Variants in PTPRD observed in about 807,000 individuals in gnomAD.
The protein encoded by PTPRD is receptor-type tyrosine-protein phosphatase delta.
A neutral mutation model predicts 214.5 loss-of-function variants in PTPRD; 34 were observed. The ratio of observed to expected loss-of-function variants is 0.16; its 90% CI spans 0.12 to 0.21. The LOEUF is 0.21. Among genes scored for constraint, PTPRD ranks in the 10% least tolerant of loss-of-function variants. The pLI, the probability that PTPRD is intolerant of heterozygous loss-of-function variation, is 1.00. For missense variants in PTPRD, 2,545 were observed against 2,398.7 expected, an observed-to-expected ratio of 1.06 and a Z score of -1.27; for synonymous variants, 1,128 against 845.7, an observed-to-expected ratio of 1.33 and a Z score of -5.79.
At chr9:8,793,601 G>T (rs887482252) in intron 11 of PTPRD, among the ~76,000 whole-genome samples, 98 of 152,260 alleles carry the variant, frequency 6.4e-4, no homozygotes, top group African/African-American at 2.2e-3. Context: ...CTCATTCTGA[G>T]TCCAGTGCTC....
intron 11 of PTPRD, among the ~76,000 whole-genome samples, chr9:8,863,808 T>C (rs992514932): frequency 5.9e-5 from 9 of 152,180 alleles, no homozygotes; most frequent in Non-Finnish European, 1.0e-4. Context: ...TATTTTAAAG[T>C]TTTAACTTTC....
intron 11 of PTPRD, among the ~76,000 whole-genome samples, chr9:8,930,750 T>A (rs1032835542): frequency 2.0e-4 from 30 of 152,286 alleles, no homozygotes; most frequent in African/African-American, 6.5e-4. Flanking sequence ...TTGGCTGCAT[T>A]AATGTCTTCT....
At chr9:8,817,992 G>C (rs781572031) in intron 11 of PTPRD, among the ~76,000 whole-genome samples, 1 of 152,118 alleles carries the variant, frequency 6.6e-6, no homozygotes. Context: ...TACAACCTGA[G>C]CTTCCAAATT....
intron 11 of PTPRD, among the ~76,000 whole-genome samples, chr9:8,797,805 T>C (rs759611156): frequency 6.6e-6 from 1 of 152,198 alleles, no homozygotes. Flanking sequence ...TGTCTTCTCA[T>C]ATTTGTATTT....
chr9:8,941,511 G>C (rs920057453), intron 11 of PTPRD, among the ~76,000 whole-genome samples: 1 of 152,176 alleles, frequency 6.6e-6, no homozygotes. Flanking sequence ...CCTTGGGTAA[G>C]TAACTTAACC....
intron 2 of PTPRD, among the ~76,000 whole-genome samples, chr9:10,418,958 T>G (rs1271717845): frequency 6.6e-6 from 1 of 151,774 alleles, no homozygotes; most frequent in Non-Finnish European, 1.5e-5. Flanking sequence ...CTCTCACTTG[T>G]TTTTCCTTGG....
intron 12 of PTPRD, among the ~76,000 whole-genome samples, chr9:8,717,378 C>T (rs192877806): frequency 8.3e-4 from 126 of 152,224 alleles, no homozygotes; most frequent in Admixed American, 1.8e-3. Context: ...ATCATGACAT[C>T]CTGCAAATTC....
intron 12 of PTPRD, among the ~76,000 whole-genome samples, chr9:8,730,884 CT>C (rs1456121676): frequency 6.6e-6 from 1 of 152,198 alleles, no homozygotes; most frequent in Non-Finnish European, 1.5e-5. Context: ...GATCACAGCT[CT>C]ACTGTCCAGA....
At chr9:8,324,789 C>A (rs1054245282) in intron 44 of PTPRD, among the ~76,000 whole-genome samples, 7 of 152,098 alleles carry the variant, frequency 4.6e-5, no homozygotes, top group African/African-American at 1.7e-4. Context: ...TAATGATCGA[C>A]ATTCTAATTG....
At chr9:9,693,183 C>A (rs1286483101) in intron 7 of PTPRD, among the ~76,000 whole-genome samples, 1 of 151,060 alleles carries the variant, frequency 6.6e-6, no homozygotes, top group Non-Finnish European at 1.5e-5. Context: ...AAGTGGGCAT[C>A]CTTGTCTTGT....
In PTPRD at chr9:9,730,322, T is replaced by C. The variant is rs546030879; in HGVS notation, c.-287+4211A>G. Among the ~76,000 whole-genome samples, 23 of 152,206 alleles carry C rather than the reference T, an allele frequency of 1.5e-4. 1 individual carries two copies. The East Asian group carries it at 4.4e-3, about 29-fold the overall frequency. On this transcript the variant is annotated intron_variant, in intron 7 of 45. Transcript: ENST00000381196. ...TTGCATAAAATTTGCATTAGAAAAC[T>C]GAGAACACTAATGAGGAAATGAAAC...
intron 2 of PTPRD, among the ~76,000 whole-genome samples, chr9:10,408,334 A>C (rs1265508718): frequency 6.6e-6 from 1 of 151,572 alleles, no homozygotes; most frequent in Non-Finnish European, 1.5e-5. Flanking sequence ...TGAAATTTGG[A>C]GTTAGCCTGC....
intron 10 of PTPRD, among the ~76,000 whole-genome samples, chr9:9,097,685 C>T (rs2099785575): frequency 6.6e-6 from 1 of 152,078 alleles, no homozygotes; most frequent in African/African-American, 2.4e-5. Context: ...GCTAGGATAC[C>T]ATGGCTCTTG....
chr9:9,625,965 G>C (rs111491105), intron 7 of PTPRD, among the ~76,000 whole-genome samples: 4,446 of 152,238 alleles, frequency 0.029, 100 homozygotes, highest in Non-Finnish European at 0.047. Context: ...ATAAACTTTT[G>C]CTGCAACTAC....
intron 4 of PTPRD, among the ~76,000 whole-genome samples, chr9:9,965,136 C>A (rs752019967): frequency 6.6e-6 from 1 of 152,010 alleles, no homozygotes; most frequent in African/African-American, 2.4e-5. Flanking sequence ...TTTTTCATAA[C>A]GTGGATAGAT....
intron 10 of PTPRD, among the ~76,000 whole-genome samples, chr9:9,161,663 T>C (rs764302861): frequency 1.3e-5 from 2 of 152,146 alleles, no homozygotes; most frequent in Non-Finnish European, 2.9e-5. Flanking sequence ...GTATTCCTTG[T>C]TTCTCCTTAT....
intron 2 of PTPRD, among the ~76,000 whole-genome samples, chr9:10,549,411 A>T (rs915066244): frequency 1.3e-5 from 2 of 152,142 alleles, no homozygotes; most frequent in Admixed American, 1.3e-4. Context: ...AATAGAAAAA[A>T]AATTGTCTAT....
intron 34 of PTPRD, among the ~76,000 whole-genome samples, chr9:8,443,887 C>T (rs928428397): frequency 2.0e-5 from 3 of 152,128 alleles, no homozygotes; most frequent in African/African-American, 7.2e-5. Context: ...GAAAAATGAA[C>T]ACATATTAGT....
chr9:8,782,803 T>C (rs1054031559), intron 11 of PTPRD, among the ~76,000 whole-genome samples: 7 of 151,832 alleles, frequency 4.6e-5, no homozygotes, highest in East Asian at 1.9e-4. Context: ...ACCATGTTGG[T>C]CAGGCTGGTC....
Sources: gnomAD v4.1 joint callset for allele counts (sites outside exome capture counted in the v4.1 genomes callset) on GRCh38, gnomAD v4.1.1 for gene constraint, MANE v1.5 for transcripts, NCBI Gene and HGNC (gene_info 2026-07-23, HGNC 2026-07-21) for gene names.